The following USO1 variants were observed in gnomAD, a reference collection of about 807,000 sequenced individuals.
The protein encoded by USO1 is general vesicular transport factor p115.
USO1 carries 57 observed loss-of-function variants against 124.5 expected under a neutral mutation model. The ratio of observed to expected loss-of-function variants is 0.46; its 90% CI spans 0.37 to 0.57. The LOEUF (loss-of-function observed/expected upper bound fraction) is 0.57. USO1 is among the 20% of genes least tolerant of loss of function. USO1 has a pLI of 0.00. For missense variants in USO1, 900 were observed against 1,040.6 expected (o/e 0.86, Z 1.86); for synonymous variants, 369 against 362.8 (o/e 1.02, Z -0.19).
At chr4:75,726,281 CAAAAAA>C (rs1182405273) in intron 1 of USO1, among the ~76,000 whole-genome samples, 14 of 75,506 alleles carry the variant, frequency 1.9e-4, no homozygotes, top group African/African-American at 6.2e-4. Context: ...AACTCTGTCT[CAAAAAA>C]AAAAAAAAAA....
At chr4:75,759,901 A>ACT (rs1436113879) in intron 4 of USO1, among the ~76,000 whole-genome samples, 3 of 147,140 alleles carry the variant, frequency 2.0e-5, no homozygotes, top group Non-Finnish European at 3.0e-5. Flanking sequence ...ACAGAACAAG[A>ACT]CTCTGTCTTA....
Position 75,770,473 on chromosome 4 carries a change from A to T in USO1, c.330A>T (p.Gly110=). ...CCACAAGACAGAGTGAAGATTTGGG[A>T]AGCCAATTTACAGAAATTTTCATTA... ...ENSTRQSEDL[G]SQFTEIFIKQ... The change falls in exon 5 of 24, where the codon GGA becomes GGT. Residue 110 remains glycine, a synonymous_variant. Coordinates refer to ENST00000514213, the MANE Select transcript of USO1 (RefSeq NM_003715.4). The T allele has an allele frequency of 6.3e-7, 1 of 1,592,558 alleles. No homozygotes were observed.
At chr4:75,810,933 G>T (rs559959262) in intron 22 of USO1, among the ~76,000 whole-genome samples, 1 of 151,966 alleles carries the variant, frequency 6.6e-6, no homozygotes, top group African/African-American at 2.4e-5. Flanking sequence ...GTTTCACCAC[G>T]TTGGCCAGGA....
At chr4:75,726,458 G>C (rs1373097151) in intron 1 of USO1, among the ~76,000 whole-genome samples, 2 of 151,856 alleles carry the variant, frequency 1.3e-5, no homozygotes, top group Non-Finnish European at 2.9e-5. Flanking sequence ...ACTGCAGCTA[G>C]TCGCAGTGAC....
At chr4:75,757,261 G>A (rs969923016) in intron 3 of USO1, among the ~76,000 whole-genome samples, 7 of 151,834 alleles carry the variant, frequency 4.6e-5, no homozygotes, top group African/African-American at 9.7e-5. Flanking sequence ...TTAAATTGCC[G>A]CCTTATATGT....
intron 20 of USO1, among the ~76,000 whole-genome samples, chr4:75,806,962 T>C (rs1355281627): frequency 6.6e-6 from 1 of 152,166 alleles, no homozygotes; most frequent in Admixed American, 6.5e-5. Context: ...CTAGAAAATA[T>C]AGAATTTTAG....
intron 3 of USO1, among the ~76,000 whole-genome samples, chr4:75,757,290 GT>G (rs1721475528): frequency 1.3e-5 from 2 of 151,840 alleles, no homozygotes; most frequent in Admixed American, 1.3e-4. Flanking sequence ...GCCATACTGT[GT>G]TTTTTTATTA....
chr4:75,724,708 G>C lies in USO1; in HGVS notation c.-112G>C, dbSNP rs1720335972. 8.5e-6 allele frequency: 9 copies of C among 1,062,424 alleles called. No individual in the cohort carries two copies. Among genetic ancestry groups the C allele is most frequent in the South Asian group, 3.0e-5 (2 of 66,414 alleles). The allele number at this position is 1,062,424 out of a possible 1,614,324, so 65.8% of individuals were successfully genotyped here. Reference sequence around the variant, plus strand: ...CGCCGAGTTGGAGGCGGTGGTGGCAGCAGTAGGAGTGTGTAGAGTGCGGGA... The same window carrying C: ...CGCCGAGTTGGAGGCGGTGGTGGCACCAGTAGGAGTGTGTAGAGTGCGGGA... On this transcript the variant is annotated 5_prime_UTR_variant, in exon 1 of 24. Transcript: ENST00000514213.
chr4:75,727,340 T>C (rs2149134367), intron 1 of USO1, among the ~76,000 whole-genome samples: 2 of 152,344 alleles, frequency 1.3e-5, no homozygotes, highest in Middle Eastern at 6.8e-3. Flanking sequence ...TTGCGTATGT[T>C]GTATATATAA....
intron 4 of USO1, among the ~76,000 whole-genome samples, chr4:75,758,974 A>G (rs1721519699): frequency 2.6e-5 from 4 of 152,154 alleles, no homozygotes; most frequent in Admixed American, 2.6e-4. Flanking sequence ...ATTTTTAAAA[A>G]TGACATTCTT....
At chr4:75,748,774 A>G (rs1036475110) in intron 1 of USO1, among the ~76,000 whole-genome samples, 1 of 152,174 alleles carries the variant, frequency 6.6e-6, no homozygotes, top group Non-Finnish European at 1.5e-5. Context: ...TTTACCATTC[A>G]TAGTATCAAC....
intron 4 of USO1, among the ~76,000 whole-genome samples, chr4:75,758,535 A>G (rs560496295): frequency 6.6e-6 from 1 of 152,350 alleles, no homozygotes; most frequent in East Asian, 1.9e-4. Flanking sequence ...AACATCTGAA[A>G]CTGGATCATG....
chr4:75,758,594 T>C (rs1199291954), intron 4 of USO1, among the ~76,000 whole-genome samples: 2 of 152,166 alleles, frequency 1.3e-5, no homozygotes, highest in East Asian at 1.9e-4. Flanking sequence ...TAAAAAACTT[T>C]TATTTTGGCT....
chr4:75,775,937 G>C lies in USO1; in HGVS notation c.676+1141G>C, dbSNP rs556884554. 2.0e-5 allele frequency among the ~76,000 whole-genome samples: 3 copies of C among 152,266 alleles called. No homozygotes were observed. The South Asian group carries it at 6.2e-4, about 32-fold the overall frequency. On this transcript the variant is annotated intron_variant, in intron 8 of 23. Coordinates refer to ENST00000514213, the MANE Select transcript of USO1 (RefSeq NM_003715.4). ...CACAAAAATAGGTTTTAGTAAGAGAGGATTATCGCCAAAGATGAGGCAAAA... is the reference window on the plus strand; with the variant it reads ...CACAAAAATAGGTTTTAGTAAGAGACGATTATCGCCAAAGATGAGGCAAAA...
chr4:75,726,300 AAG>A (rs1491353767), intron 1 of USO1, among the ~76,000 whole-genome samples: 29 of 149,742 alleles, frequency 1.9e-4, no homozygotes, highest in African/African-American at 6.8e-4. Context: ...AAAAAAAAAA[AAG>A]GGGTGAAGTA....
intron 17 of USO1, among the ~76,000 whole-genome samples, chr4:75,803,607 C>T (rs1444496642): frequency 6.6e-6 from 1 of 150,780 alleles, no homozygotes; most frequent in Non-Finnish European, 1.5e-5. Flanking sequence ...CTGGATTGCA[C>T]CACTGCACTC....
intron 7 of USO1, 32 bp from the exon 8 acceptor site, chr4:75,774,644 A>G: frequency 6.6e-7 from 1 of 1,523,242 alleles, no homozygotes. Flanking sequence ...TAAATTTTGT[A>G]CTCCACTAAA....
At chr4:75,791,948 T>G (rs549113711) in intron 12 of USO1, among the ~76,000 whole-genome samples, 1 of 152,276 alleles carries the variant, frequency 6.6e-6, no homozygotes, top group Admixed American at 6.5e-5. Flanking sequence ...TTTTGGAATG[T>G]TACCATCATC....
intron 1 of USO1, among the ~76,000 whole-genome samples, chr4:75,726,045 G>T (rs1002124674): frequency 2.6e-5 from 4 of 152,172 alleles, no homozygotes; most frequent in African/African-American, 9.7e-5. Context: ...ACTTTGGGAG[G>T]CTGAGGCCGG....
Sources: gnomAD v4.1 joint callset for allele counts (sites outside exome capture counted in the v4.1 genomes callset) on GRCh38, gnomAD v4.1.1 for gene constraint, MANE v1.5 for transcripts, NCBI Gene and HGNC (gene_info 2026-07-23, HGNC 2026-07-21) for gene names.